Variants in NAP1L1 observed in about 807,000 individuals in gnomAD.
NAP1L1 encodes nucleosome assembly protein 1-like 1.
NAP1L1 carries 9 observed loss-of-function variants against 58.9 expected under a neutral mutation model. That is an observed-to-expected ratio of 0.15 (90% CI 0.09 to 0.27). The LOEUF (loss-of-function observed/expected upper bound fraction) is 0.27. NAP1L1 is among the 10% of genes least tolerant of loss of function. The pLI, the probability that NAP1L1 is intolerant of heterozygous loss-of-function variation, is 1.00. For synonymous variants in NAP1L1, 130 were observed against 138.3 expected (o/e 0.94, Z 0.42); for missense variants, 302 against 458.8 (o/e 0.66, Z 3.12).
Position 76,043,399 on chromosome 12 carries a change from C to A in NAP1L1, c.*5030G>T, listed in dbSNP as rs1948569458. On this transcript the variant is annotated 3_prime_UTR_variant, in exon 15 of 15. Coordinates refer to ENST00000618691, the MANE Select transcript of NAP1L1 (RefSeq NM_004537.7). ...AATTAGCTGGGCGTGGTGGCACGTG[C>A]CTGTGATACCAGCTACTCGAGAGGC... 6.6e-6 allele frequency: 1 copy of A among 150,784 alleles called. No individual in the cohort carries two copies. Among genetic ancestry groups the A allele is most frequent in the Non-Finnish European group, 1.5e-5 (1 of 67,882 alleles). 9.3% of individuals were successfully genotyped at this position (150,784 alleles called of 1,614,324 possible).
At chr12:76,071,300 T>C (rs559425937) in intron 2 of NAP1L1, among the ~76,000 whole-genome samples, 2 of 152,258 alleles carry the variant, frequency 1.3e-5, no homozygotes, top group African/African-American at 2.4e-5. Context: ...CTCCCAGGGC[T>C]AACAGGCATC....
Position 76,045,747 on chromosome 12 carries a change from A to G in NAP1L1, c.*2682T>C, listed in dbSNP as rs1948595917. ...AACTATCAACTTGTGGAATTTGTGGAACACTTACCCTACTTGAGTGACCAT... is the reference window on the plus strand; with the variant it reads ...AACTATCAACTTGTGGAATTTGTGGGACACTTACCCTACTTGAGTGACCAT... On this transcript the variant is annotated 3_prime_UTR_variant, in exon 15 of 15. Transcript: ENST00000618691. 1 of 152,070 alleles carries G rather than the reference A, an allele frequency of 6.6e-6. No homozygotes were observed. Among genetic ancestry groups the G allele is most frequent in the African/African-American group, 2.4e-5 (1 of 41,452 alleles). The allele number at this position is 152,070 out of a possible 1,614,324, so 9.4% of individuals were successfully genotyped here. A position where few individuals can be genotyped will look rare whatever the true frequency, so the allele number is the denominator to read the frequency against.
chr12:76,058,410 G>C (rs1233468477), intron 6 of NAP1L1, among the ~76,000 whole-genome samples: 1 of 145,996 alleles, frequency 6.8e-6, no homozygotes, highest in East Asian at 2.0e-4. Context: ...TTTTTGAGAC[G>C]GAGTCTCACA....
At chr12:76,076,592 ATC>A (rs1288210373) in intron 1 of NAP1L1, among the ~76,000 whole-genome samples, 1 of 139,702 alleles carries the variant, frequency 7.2e-6, no homozygotes, top group Non-Finnish European at 1.6e-5. Flanking sequence ...ATATATATAT[ATC>A]TCCACTCATA....
At chr12:76,083,399 G>C (rs1011440717) in intron 1 of NAP1L1, among the ~76,000 whole-genome samples, 1 of 148,794 alleles carries the variant, frequency 6.7e-6, no homozygotes, top group Non-Finnish European at 1.5e-5. Flanking sequence ...CGATCTTTTG[G>C]CTTCCCTGGG....
chr12:76,059,068 C>T (rs978717264), intron 6 of NAP1L1, among the ~76,000 whole-genome samples: 4 of 152,104 alleles, frequency 2.6e-5, no homozygotes, highest in Non-Finnish European at 5.9e-5. Context: ...AACAATAAGC[C>T]TTGCAATAAA....
chr12:76,067,672 A>T (rs564507606), intron 3 of NAP1L1, 199 bp from the exon 4 acceptor site: 1 of 465,124 alleles, frequency 2.1e-6, no homozygotes, highest in East Asian at 3.1e-5. Context: ...CAGATTCCTA[A>T]TCTATCTCTA....
At chr12:76,061,090 G>A (rs1214048556) in intron 4 of NAP1L1, 1 of 416,638 alleles carries the variant, frequency 2.4e-6, no homozygotes, top group African/African-American at 2.1e-5. Flanking sequence ...ATGAGACCCT[G>A]TCTCAAAAAT....
rs1348537578 is a variant in NAP1L1, at chr12:76,043,083, T to A, written c.*5346A>T. 3 of 152,168 alleles carry A rather than the reference T, an allele frequency of 2.0e-5. No individual in the cohort carries two copies. Among genetic ancestry groups the A allele is most frequent in the Non-Finnish European group, 4.4e-5 (3 of 68,028 alleles). 9.4% of individuals were successfully genotyped at this position (152,168 alleles called of 1,614,324 possible). A position where few individuals can be genotyped will look rare whatever the true frequency, so the allele number is the denominator to read the frequency against. On this transcript the variant is annotated 3_prime_UTR_variant, in exon 15 of 15. Transcript: ENST00000618691. ...TAAATTATCTTAACAGCTAACAGCG[T>A]CTTGTTCACTGCTGCTGCCACGTCA...
At chr12:76,073,295 T>G (rs1950043417) in intron 2 of NAP1L1, among the ~76,000 whole-genome samples, 1 of 152,090 alleles carries the variant, frequency 6.6e-6, no homozygotes. Flanking sequence ...GGAAAATAAT[T>G]TAGCATCCCC....
chr12:76,053,173 A>T (rs1292276735), intron 10 of NAP1L1, 32 bp downstream of exon 10: 2 of 1,611,490 alleles, frequency 1.2e-6, no homozygotes, highest in African/African-American at 2.7e-5. Context: ...TTATAAAACA[A>T]CCGTTAATAC....
chr12:76,061,237 A>C lies in NAP1L1; in HGVS notation c.207-958T>G, dbSNP rs200195715. The C allele has an allele frequency of 3.5e-4, 60 of 171,272 alleles. No individual in the cohort carries two copies. The East Asian group carries it at 0.011, about 31-fold the overall frequency. 10.6% of individuals were successfully genotyped at this position (171,272 alleles called of 1,614,324 possible). A position where few individuals can be genotyped will look rare whatever the true frequency, so the allele number is the denominator to read the frequency against. ...AGATTATTTTATCACCCAAGTATTA[A>C]GCCCAGTACCCAATACTTAATTTTC... On this transcript the variant is annotated intron_variant, in intron 4 of 14. Transcript: ENST00000618691.
At chr12:76,063,419 T>TAAAATAAATTAA (rs1592656950) in intron 4 of NAP1L1, among the ~76,000 whole-genome samples, 1 of 152,118 alleles carries the variant, frequency 6.6e-6, no homozygotes, top group East Asian at 1.9e-4. Context: ...AGACCCAAAG[T>TAAAATAAATTAA]AAAATAAATT....
intron 1 of NAP1L1, among the ~76,000 whole-genome samples, chr12:76,082,698 T>C (rs1950455751): frequency 6.6e-6 from 1 of 152,178 alleles, no homozygotes; most frequent in Non-Finnish European, 1.5e-5. Context: ...TCAAACAAGC[T>C]TGAAACACAA....
chr12:76,050,609 A>G lies in NAP1L1; in HGVS notation c.981T>C (p.Gly327=). Residue 327 remains glycine (G), a synonymous_variant, in exon 12 of 15, where the codon GGT becomes GGC. Transcript: ENST00000618691. ...GGATTATACGCTCACGTAAAAAGTG[A>G]CCAATTTCGAAGTCTGCAGCAAGGA... ...EAILAADFEI[G]HFLRERIIPR... The G allele has an allele frequency of 6.2e-7, 1 of 1,612,876 alleles. No individual in the cohort carries two copies. The highest frequency in any genetic ancestry group is 8.5e-7 in the Non-Finnish European group (1 of 1,179,708).
intron 14 of NAP1L1, 129 bp from the exon 15 acceptor site, chr12:76,048,593 G>A (rs1291488071): frequency 9.5e-6 from 8 of 838,730 alleles, no homozygotes; most frequent in Non-Finnish European, 1.1e-5. Context: ...GGACAATGGT[G>A]GTAAATTATT....
At chr12:76,052,961 A>G (rs1441541545) in intron 11 of NAP1L1, 130 bp downstream of exon 11, 1 of 698,874 alleles carries the variant, frequency 1.4e-6, no homozygotes, top group Non-Finnish European at 2.3e-6. Context: ...TCATATCCAA[A>G]AAGTCTGCCC....
rs548933348 is a variant in NAP1L1 at position 76,073,504 on chromosome 12, T to TA, written c.17+698_17+699insT. Among the ~76,000 whole-genome samples, 73 of 152,268 alleles carry TA rather than the reference T, an allele frequency of 4.8e-4. 1 individual carries two copies. The East Asian group carries it at 9.8e-3, about 21-fold the overall frequency. On this transcript the variant is annotated intron_variant, in intron 2 of 14. Transcript: ENST00000618691. ...CCAATACTTCTCCACAATAAGTCTTTTATAAAGCCTCACAAAACTTGAGGC... is the reference window on the plus strand; with the variant it reads ...CCAATACTTCTCCACAATAAGTCTTTATATAAAGCCTCACAAAACTTGAGGC...
intron 6 of NAP1L1, among the ~76,000 whole-genome samples, chr12:76,058,629 G>A (rs947480656): frequency 6.6e-6 from 1 of 151,904 alleles, no homozygotes; most frequent in Admixed American, 6.6e-5. Context: ...CTAGTGATTG[G>A]CCCACCTAGG....
Sources: gnomAD v4.1 joint callset for allele counts (sites outside exome capture counted in the v4.1 genomes callset) on GRCh38, gnomAD v4.1.1 for gene constraint, MANE v1.5 for transcripts, NCBI Gene and HGNC (gene_info 2026-07-23, HGNC 2026-07-21) for gene names.